Variants in ZNF552 observed in about 807,000 individuals in gnomAD.
ZNF552 encodes the protein zinc finger protein 552.
In ZNF552, 2 loss-of-function variants were observed where a neutral mutation model predicts 7.2. The ratio of observed to expected loss-of-function variants is 0.28; its 90% confidence interval spans 0.11 to 0.88. ZNF552 has a LOEUF of 0.88. Ranked by LOEUF, ZNF552 falls within the 40% of genes least tolerant of loss-of-function variation. ZNF552 has a pLI of 0.60. For missense variants in ZNF552, 421 were observed against 493.4 expected (o/e 0.85, Z 1.39); for synonymous variants, 173 against 176.5 (o/e 0.98, Z 0.16).
At chr19:57,809,314 C>T in intron 2 of ZNF552, 2 of 1,147,374 alleles carry the variant, frequency 1.7e-6, no homozygotes, top group Admixed American at 2.0e-5. Context: ...AAGGACACAA[C>T]CATGTATGTA....
Position 57,807,863 on chromosome 19 carries a change from G to T in ZNF552, c.*177C>A, listed in dbSNP as rs1410323282. Reference sequence around the variant, plus strand: ...ACTATAATCCTGAAGGAATACAGAGGTGTGGCTACAAAACTGCCCAAATTT... The same window carrying T: ...ACTATAATCCTGAAGGAATACAGAGTTGTGGCTACAAAACTGCCCAAATTT... On this transcript the variant is annotated 3_prime_UTR_variant, in exon 3 of 3. Transcript: ENST00000391701. 2.2e-6 allele frequency: 2 copies of T among 902,920 alleles called. No homozygotes were observed. Among genetic ancestry groups the T allele is most frequent in the East Asian group, 2.7e-5 (1 of 37,108 alleles). 55.9% of individuals were successfully genotyped at this position (902,920 alleles called of 1,614,324 possible). A position where few individuals can be genotyped will look rare whatever the true frequency, so the allele number is the denominator to read the frequency against.
rs1987895489 is a variant in ZNF552 at position 57,813,427 on chromosome 19, T to C, written c.34-7A>G. The C allele has an allele frequency of 1.9e-6, 3 of 1,612,638 alleles. No homozygotes were observed. The highest frequency in any genetic ancestry group is 2.5e-6 in the Non-Finnish European group (3 of 1,178,784). On this transcript the variant is annotated splice_region_variant and splice_polypyrimidine_tract_variant and intron_variant, in intron 1 of 2. Transcript: ENST00000391701. ...CTTCAAAAGTCACTGTGCCCTGTTATGATGTTGACAGATGAAACCACAAAC... is the reference window on the plus strand; with the variant it reads ...CTTCAAAAGTCACTGTGCCCTGTTACGATGTTGACAGATGAAACCACAAAC...
chr19:57,809,199 A>G (rs1255148231), intron 2 of ZNF552, 96 bp from the exon 3 acceptor site: 1 of 1,608,262 alleles, frequency 6.2e-7, no homozygotes. Flanking sequence ...GAATTACTCC[A>G]AGGAAGTACT....
intron 1 of ZNF552, 28 bp from the exon 2 acceptor site, chr19:57,813,448 C>T (rs1250110358): frequency 8.7e-6 from 14 of 1,608,536 alleles, no homozygotes; most frequent in African/African-American, 1.3e-5. Flanking sequence ...GATGAAACCA[C>T]AAACCACCCC....
intron 1 of ZNF552, among the ~76,000 whole-genome samples, chr19:57,813,897 C>A (rs1233697118): frequency 6.6e-6 from 1 of 152,008 alleles, no homozygotes; most frequent in Non-Finnish European, 1.5e-5. Flanking sequence ...GCATGCGCCA[C>A]CACGCCTGGC....
At chr19:57,810,152 AGAAGAGG>A (rs1987826692) in intron 2 of ZNF552, among the ~76,000 whole-genome samples, 2 of 150,898 alleles carry the variant, frequency 1.3e-5, no homozygotes, top group South Asian at 2.1e-4. Flanking sequence ...AGGGAAAGGG[AGAAGAGG>A]GAAGAGGAAA....
intron 2 of ZNF552, 57 bp downstream of exon 2, chr19:57,813,237 A>G (rs1038560793): frequency 4.9e-5 from 78 of 1,603,312 alleles, no homozygotes; most frequent in Non-Finnish European, 6.5e-5. Context: ...CCAATAGAAA[A>G]AGAGGGGGAA....
At chr19:57,812,774 G>A (rs1288024462) in intron 2 of ZNF552, among the ~76,000 whole-genome samples, 4 of 152,044 alleles carry the variant, frequency 2.6e-5, no homozygotes, top group South Asian at 2.1e-4. Context: ...TCACCATGTC[G>A]GCCAGGCTGT....
At chr19:57,809,345 G>T (rs916692747) in intron 2 of ZNF552, 4 of 797,132 alleles carry the variant, frequency 5.0e-6, no homozygotes, top group Non-Finnish European at 8.2e-6. Context: ...TAGAGGCAGG[G>T]TCTACAATCC....
chr19:57,808,638 T>C lies in ZNF552; in HGVS notation c.626A>G (p.Lys209Arg), dbSNP rs1987790557. 1 of 1,614,128 alleles carries C rather than the reference T, an allele frequency of 6.2e-7. No individual in the cohort carries two copies. The highest frequency in any genetic ancestry group is 8.5e-7 in the Non-Finnish European group (1 of 1,180,018). The stretch of plus-strand genomic sequence containing the variant: ...GCATCCTCCACAGCTGTAATGGCTT[T>C]TTCCCCCATGAAACAGAGACACACA... The part of the protein sequence containing the change: ...TECVSLFHGG[K>R]SHYSCGGCMK... Residue 209 changes from lysine (K) to arginine (R), a missense_variant, in exon 3 of 3, where the codon AAA becomes AGA. Lys to Arg is a conservative substitution (Grantham distance 26). Transcript: ENST00000391701.
In ZNF552 at chr19:57,808,571, C is replaced by G. The variant is rs200407693; in HGVS notation, c.693G>C (p.Glu231Asp). The G allele has an allele frequency of 5.0e-6, 8 of 1,614,074 alleles. No homozygotes were observed. The highest frequency in any genetic ancestry group is 1.6e-4 in the Middle Eastern group (1 of 6,084). The change falls in exon 3 of 3, where the codon GAG (glutamate) becomes GAC (aspartate). Residue 231 changes from glutamate to aspartate, a missense_variant. Glu to Asp is a conservative substitution (Grantham distance 45, BLOSUM62 2). This residue lies in a region of ZNF552 where 299 missense variants were observed against 293.7 expected (regional missense o/e 1.02). Transcript: ENST00000391701. ...FSTKDILSQH[E>D]RLLPTEEPSV... ...AAGGTTCTTCTGTAGGGAGCAGTCT[C>G]TCGTGCTGACTGAGTATATCTTTGG...
At chr19:57,813,990 TC>T (rs1987909331) in intron 1 of ZNF552, among the ~76,000 whole-genome samples, 2 of 131,752 alleles carry the variant, frequency 1.5e-5, no homozygotes, top group South Asian at 4.7e-4. Flanking sequence ...CGCCTAGGCC[TC>T]CCAAAGTGCT....
At chr19:57,813,261 C>T (rs1327152118) in intron 2 of ZNF552, 33 bp downstream of exon 2, 2 of 1,613,068 alleles carry the variant, frequency 1.2e-6, no homozygotes, top group Non-Finnish European at 1.7e-6. Flanking sequence ...CAGAGACTAG[C>T]TCAGGTCACA....
In ZNF552 at chr19:57,809,020, T is replaced by C. The variant is rs1380383547; in HGVS notation, c.244A>G (p.Met82Val). 2 of 1,563,458 alleles carry C rather than the reference T, an allele frequency of 1.3e-6. No individual in the cohort carries two copies. Among genetic ancestry groups the C allele is most frequent in the South Asian group, 1.2e-5 (1 of 83,852 alleles). ...GCCTTCTTGGGAGACACACCTGCCATAGGAGTCCTGACCTGAGTCTCTCTT... is the reference window on the plus strand; with the variant it reads ...GCCTTCTTGGGAGACACACCTGCCACAGGAGTCCTGACCTGAGTCTCTCTT... ...IQRETQVRTP[M>V]AGVSPKKAHP... The change falls in exon 3 of 3, where the codon ATG becomes GTG. Residue 82 changes from methionine (M) to valine (V), a missense_variant. Met to Val is a conservative substitution (Grantham distance 21). Around this residue, in one of 2 missense-constraint regions of ZNF552, gnomAD observed 122 missense variants for 199.7 expected, o/e 0.61. Coordinates refer to ENST00000391701, the MANE Select transcript of ZNF552 (RefSeq NM_024762.3).
At chr19:57,814,344 C>G in intron 1 of ZNF552, 1 of 664,144 alleles carries the variant, frequency 1.5e-6, no homozygotes, top group Admixed American at 2.9e-5. Context: ...GACTTTGATC[C>G]AGTCCCTTCT....
intron 2 of ZNF552, among the ~76,000 whole-genome samples, chr19:57,811,492 GTC>G (rs1671218062): frequency 6.6e-6 from 1 of 152,070 alleles, no homozygotes; most frequent in Non-Finnish European, 1.5e-5. Flanking sequence ...TTGGATCTGT[GTC>G]TCTTTCTTTT....
intron 2 of ZNF552, among the ~76,000 whole-genome samples, chr19:57,809,981 C>T (rs975545462): frequency 6.6e-6 from 1 of 151,914 alleles, no homozygotes; most frequent in African/African-American, 2.4e-5. Context: ...ATGGTGTGCA[C>T]CTGCAGTCCT....
In ZNF552 at chr19:57,808,479, T is replaced by C; in HGVS notation, c.785A>G (p.His262Arg). Reference protein sequence around the residue: ...YDSFSNHQGVHTREKPYTCGI... With the variant: ...YDSFSNHQGVRTREKPYTCGI... ...ACACGTATAAGGTTTTTCTCTAGTG[T>C]GAACTCCTTGATGATTACTGAAGCT... is the stretch of plus-strand genomic sequence containing the variant. The change falls in exon 3 of 3, where the codon CAC (histidine) becomes CGC (arginine). Residue 262 changes from histidine to arginine, a missense_variant. Transcript: ENST00000391701. 4 of 1,613,930 alleles carry C rather than the reference T, an allele frequency of 2.5e-6. No homozygotes were observed. In the East Asian group the frequency reaches 8.9e-5, roughly 36 times the overall value.
chr19:57,811,376 G>A (rs953223493), intron 2 of ZNF552, among the ~76,000 whole-genome samples: 2 of 151,800 alleles, frequency 1.3e-5, no homozygotes, highest in African/African-American at 4.8e-5. Context: ...GGGTTTCACC[G>A]TGGTCTCAAT....
Sources: allele counts gnomAD v4.1 joint callset (sites outside exome capture counted in the v4.1 genomes callset), GRCh38; gene constraint gnomAD v4.1.1; regional missense constraint gnomAD v4.1.1; transcripts MANE v1.5; gene names NCBI Gene and HGNC (gene_info 2026-07-23, HGNC 2026-07-21).